The following ITGB8 variants were observed in gnomAD, a reference collection of about 807,000 sequenced individuals.
ITGB8 encodes the protein integrin beta-8.
In ITGB8, 30 loss-of-function variants were observed where a neutral mutation model predicts 89.5. That is an observed-to-expected ratio of 0.34 (90% confidence interval 0.25 to 0.45). The LOEUF (loss-of-function observed/expected upper bound fraction) is 0.45. ITGB8 is among the 20% of genes least tolerant of loss of function. The pLI, the probability that ITGB8 is intolerant of heterozygous loss-of-function variation, is 1.00. For synonymous variants in ITGB8, 335 were observed against 320.4 expected (o/e 1.05, Z -0.49); for missense variants, 836 against 933.3 (o/e 0.90, Z 1.36).
intron 6 of ITGB8, among the ~76,000 whole-genome samples, chr7:20,387,508 G>A (rs907835197): frequency 2.6e-5 from 4 of 152,200 alleles, no homozygotes; most frequent in African/African-American, 9.7e-5. Flanking sequence ...CGCAGAGCCA[G>A]AAGTTGAAGC....
intron 6 of ITGB8, among the ~76,000 whole-genome samples, chr7:20,384,161 C>T (rs2127965200): frequency 6.6e-6 from 1 of 152,292 alleles, no homozygotes; most frequent in Non-Finnish European, 1.5e-5. Context: ...AAAATGACCT[C>T]TATCCTCCCC....
chr7:20,383,074 T>C (rs1266146142), intron 6 of ITGB8, among the ~76,000 whole-genome samples: 3 of 152,202 alleles, frequency 2.0e-5, no homozygotes, highest in Non-Finnish European at 4.4e-5. Flanking sequence ...TCACACACAG[T>C]TTGGGAATCA....
At position 20,401,913 on chromosome 7, in the gene ITGB8, T is replaced by G; in HGVS notation, c.1474T>G (p.Phe492Val). Residue 492 changes from phenylalanine to valine, a missense_variant, in exon 10 of 14, where the codon TTC becomes GTC. Phe to Val is a conservative substitution (Grantham distance 50, BLOSUM62 -1). This residue lies in a region of ITGB8 where 422 missense variants were observed against 416.9 expected (regional missense o/e 1.01). Transcript: ENST00000222573. The stretch of plus-strand genomic sequence containing the variant: ...TGAAACTTTTCTAGATTCCAAGTGT[T>G]TCCAGTGTGATGAGAATAAATGTCA... ...VDETFLDSKC[F>V]QCDENKCHFD... 2 of 1,613,740 alleles carry G rather than the reference T, an allele frequency of 1.2e-6. No homozygotes were observed. The highest frequency in any genetic ancestry group is 2.7e-5 in the African/African-American group (2 of 74,922).
chr7:20,340,377 G>A (rs1784717424), intron 1 of ITGB8, among the ~76,000 whole-genome samples: 2 of 152,194 alleles, frequency 1.3e-5, no homozygotes, highest in South Asian at 4.1e-4. Flanking sequence ...ACCGAGTTTG[G>A]AAGTGGAGAG....
intron 1 of ITGB8, among the ~76,000 whole-genome samples, chr7:20,362,578 C>A (rs1367500036): frequency 6.6e-6 from 1 of 152,180 alleles, no homozygotes; most frequent in East Asian, 1.9e-4. Flanking sequence ...TTGGTGAAAT[C>A]TCTCTGTGCA....
At chr7:20,344,762 A>G (rs1005987008) in intron 1 of ITGB8, among the ~76,000 whole-genome samples, 2 of 152,214 alleles carry the variant, frequency 1.3e-5, no homozygotes, top group African/African-American at 2.4e-5. Flanking sequence ...AGTTACCTGA[A>G]TGTCACAGAA....
At chr7:20,391,299 AG>A (rs1158499007) in intron 6 of ITGB8, 103 bp from the exon 7 acceptor site, 2 of 499,866 alleles carry the variant, frequency 4.0e-6, no homozygotes, top group African/African-American at 4.0e-5. Context: ...AGTCCTTCCC[AG>A]GTACATTTTT....
intron 12 of ITGB8, among the ~76,000 whole-genome samples, chr7:20,406,630 G>A (rs1006412312): frequency 1.4e-4 from 21 of 151,380 alleles, no homozygotes; most frequent in African/African-American, 4.9e-4. Flanking sequence ...TAATAAATGT[G>A]TGTTTTTGTG....
At chr7:20,396,988 A>T (rs7804941) in intron 8 of ITGB8, among the ~76,000 whole-genome samples, 2,990 of 152,278 alleles carry the variant, frequency 0.02, 105 homozygotes, top group African/African-American at 0.068. Flanking sequence ...ATATGTTTAT[A>T]TTATCAAAAA....
intron 1 of ITGB8, among the ~76,000 whole-genome samples, chr7:20,341,748 A>C (rs1338696915): frequency 2.0e-5 from 3 of 152,088 alleles, no homozygotes; most frequent in Admixed American, 2.0e-4. Flanking sequence ...TCAGCATAGC[A>C]CTGATGCCAG....
At chr7:20,347,918 G>A (rs978152314) in intron 1 of ITGB8, among the ~76,000 whole-genome samples, 1 of 152,242 alleles carries the variant, frequency 6.6e-6, no homozygotes, top group Non-Finnish European at 1.5e-5. Context: ...TGCCCACTCA[G>A]TGTTGAAAGA....
chr7:20,361,782 C>T (rs568609605), intron 1 of ITGB8, among the ~76,000 whole-genome samples: 1 of 152,142 alleles, frequency 6.6e-6, no homozygotes. Flanking sequence ...TGGCAGCCTA[C>T]AACAGATGGA....
intron 9 of ITGB8, among the ~76,000 whole-genome samples, chr7:20,400,959 C>CAAT (rs1040513363): frequency 6.6e-6 from 1 of 151,994 alleles, no homozygotes; most frequent in Non-Finnish European, 1.5e-5. Context: ...CATCTTATCT[C>CAAT]AGGGTTTTGA....
intron 1 of ITGB8, among the ~76,000 whole-genome samples, chr7:20,343,981 A>G (rs1341454651): frequency 6.6e-6 from 1 of 152,112 alleles, no homozygotes; most frequent in Non-Finnish European, 1.5e-5. Flanking sequence ...ACATTTGCAA[A>G]TTTTCACCAT....
chr7:20,360,915 CTTTTTTT>C (rs1167974755), intron 1 of ITGB8, among the ~76,000 whole-genome samples: 1 of 80,896 alleles, frequency 1.2e-5, no homozygotes, highest in Non-Finnish European at 2.7e-5. Context: ...CAACTGCAGT[CTTTTTTT>C]TTTTTTTTTT....
intron 7 of ITGB8, among the ~76,000 whole-genome samples, chr7:20,393,484 G>A (rs1014038): frequency 0.91 from 138,366 of 152,202 alleles, 62,929 homozygotes; most frequent in East Asian, 0.99. Context: ...GGCTGCCAGA[G>A]TGATCTATTG....
At chr7:20,334,780 A>T (rs1784522420) in intron 1 of ITGB8, among the ~76,000 whole-genome samples, 1 of 152,198 alleles carries the variant, frequency 6.6e-6, no homozygotes, top group Non-Finnish European at 1.5e-5. Context: ...AAAATCATAC[A>T]TGTTTGCCCT....
intron 1 of ITGB8, among the ~76,000 whole-genome samples, chr7:20,334,948 T>C (rs1784527589): frequency 6.6e-6 from 1 of 152,174 alleles, no homozygotes; most frequent in South Asian, 2.1e-4. Context: ...GTTTTTAACA[T>C]GGTATAATGG....
At chr7:20,343,465 A>C (rs1784827942) in intron 1 of ITGB8, among the ~76,000 whole-genome samples, 1 of 152,130 alleles carries the variant, frequency 6.6e-6, no homozygotes, top group South Asian at 2.1e-4. Flanking sequence ...ACTCTTGTTA[A>C]GTTCTGTCTT....
Sources: gnomAD v4.1 joint callset for allele counts (sites outside exome capture counted in the v4.1 genomes callset) on GRCh38, gnomAD v4.1.1 for gene constraint, gnomAD v4.1.1 regional missense constraint, MANE v1.5 for transcripts, NCBI Gene and HGNC (gene_info 2026-07-23, HGNC 2026-07-21) for gene names.